ANO1: variants seen among roughly 807,000 people sequenced by gnomAD.
The protein encoded by ANO1 is anoctamin 1.
A neutral mutation model predicts 124.0 loss-of-function variants in ANO1; 59 were observed. The ratio of observed to expected loss-of-function variants is 0.48; its 90% CI spans 0.39 to 0.59. ANO1 has a LOEUF of 0.59. ANO1 is among the 20% of genes least tolerant of loss of function. The pLI, the probability that ANO1 is intolerant of heterozygous loss-of-function variation, is 0.00. For missense variants in ANO1, 1,059 were observed against 1,328.0 expected, an observed-to-expected ratio of 0.80 and a Z score of 3.15; for synonymous variants, 529 against 532.0, an observed-to-expected ratio of 0.99 and a Z score of 0.08.
intron 6 of ANO1, 73 bp downstream of exon 6, chr11:70,108,477 G>T: frequency 6.5e-7 from 1 of 1,527,436 alleles, no homozygotes; most frequent in Non-Finnish European, 9.1e-7. Context: ...TCATCTCTGT[G>T]GGAGGCAGGC....
chr11:70,050,221 C>G (rs782316777), intron 1 of ANO1, among the ~76,000 whole-genome samples: 5 of 152,192 alleles, frequency 3.3e-5, no homozygotes, highest in Admixed American at 6.5e-5. Flanking sequence ...TAGCCAAACC[C>G]TGAAATCCAT....
intron 1 of ANO1, chr11:70,056,474 T>C (rs1555006875): frequency 6.6e-6 from 1 of 152,136 alleles, no homozygotes; most frequent in Non-Finnish European, 1.5e-5. Flanking sequence ...AATTTTGCTA[T>C]GATGGGCTGG....
intron 1 of ANO1, among the ~76,000 whole-genome samples, chr11:70,004,658 T>G (rs782743673): frequency 6.6e-6 from 1 of 152,226 alleles, no homozygotes; most frequent in South Asian, 2.1e-4. Context: ...TCAAAAAATA[T>G]CGTGGAGCAA....
chr11:70,109,332 G>T (rs1201567805), intron 6 of ANO1, among the ~76,000 whole-genome samples: 1 of 152,196 alleles, frequency 6.6e-6, no homozygotes, highest in East Asian at 1.9e-4. Context: ...CTGAGGTCAG[G>T]CCCGGGAGAC....
intron 2 of ANO1, among the ~76,000 whole-genome samples, chr11:70,095,267 G>GGAAGGAAGGAAGGAAGGAAAGAAA (rs1565193024): frequency 1.4e-5 from 1 of 71,288 alleles, no homozygotes; most frequent in African/African-American, 6.2e-5. Flanking sequence ...AAGGAAGGAA[G>GGAAGGAAGGAAGGAAGGAAAGAAA]GAAGGAAGGA....
chr11:70,117,334 G>T (rs2046024416), intron 8 of ANO1, among the ~76,000 whole-genome samples: 1 of 151,978 alleles, frequency 6.6e-6, no homozygotes, highest in South Asian at 2.1e-4. Flanking sequence ...GCCTCCCAAA[G>T]TGCTGGGATT....
intron 1 of ANO1, chr11:70,072,712 G>A (rs932193958): frequency 9.8e-5 from 15 of 152,456 alleles, no homozygotes; most frequent in African/African-American, 3.4e-4. Context: ...CACCAGGGGA[G>A]GGATGCAACT....
intron 8 of ANO1, among the ~76,000 whole-genome samples, chr11:70,120,856 G>A: frequency 6.6e-6 from 1 of 152,134 alleles, no homozygotes; most frequent in East Asian, 1.9e-4. Flanking sequence ...CACAGTGACT[G>A]GAGCCGCCTG....
intron 1 of ANO1, among the ~76,000 whole-genome samples, chr11:70,052,965 C>G (rs1857377237): frequency 3.3e-5 from 5 of 152,104 alleles, no homozygotes; most frequent in Admixed American, 3.3e-4. Flanking sequence ...GGTGATTTTT[C>G]TTTATTGAAG....
intron 1 of ANO1, among the ~76,000 whole-genome samples, chr11:70,063,307 G>A (rs1857637940): frequency 2.6e-5 from 4 of 152,186 alleles, no homozygotes; most frequent in African/African-American, 9.7e-5. Flanking sequence ...AGAAAGGCAA[G>A]ATCAGGGAGA....
intron 11 of ANO1, among the ~76,000 whole-genome samples, chr11:70,135,830 G>T (rs2046935833): frequency 6.6e-6 from 1 of 152,230 alleles, no homozygotes; most frequent in Admixed American, 6.5e-5. Context: ...GCGATAAGAG[G>T]TCTCTGTGAT....
the ANO1 span, among the ~76,000 whole-genome samples, chr11:69,974,017 A>G: frequency 6.6e-6 from 1 of 152,118 alleles, no homozygotes; most frequent in Non-Finnish European, 1.5e-5. Context: ...AGAAAGTCAG[A>G]TATTAAAAAT....
intron 10 of ANO1, among the ~76,000 whole-genome samples, chr11:70,130,779 G>A (rs570568184): frequency 3.9e-5 from 6 of 152,146 alleles, no homozygotes; most frequent in African/African-American, 7.2e-5. Context: ...AGGCCCCCCC[G>A]GCTTCCCGAG....
Position 70,108,410 on chromosome 11 carries a change from C to T in ANO1, c.799+6C>T. ...AAAGGCCAAGTACAGCATGGGTAAG[C>T]ACGTTTTTGGGGCTTGAGATCAGCA... On this transcript the variant is annotated splice_donor_region_variant and intron_variant, in intron 6 of 25. Transcript: ENST00000355303. 1 of 1,610,850 alleles carries T rather than the reference C, an allele frequency of 6.2e-7. No homozygotes were observed. The highest frequency in any genetic ancestry group is 8.5e-7 in the Non-Finnish European group (1 of 1,177,700).
At chr11:70,164,284 G>T (rs1445328813) in intron 19 of ANO1, among the ~76,000 whole-genome samples, 2 of 152,196 alleles carry the variant, frequency 1.3e-5, no homozygotes, top group African/African-American at 2.4e-5. Flanking sequence ...AAAAGACCCT[G>T]TGGAATAAGA....
rs921443936 is a variant in ANO1, at chr11:70,088,805, C to T, written c.441+721C>T. ...GGCCCTTCTCTGGGCCTCAGTTTCT[C>T]GTCTGTAGAGTGAGATGTGGGTCCA... On this transcript the variant is annotated intron_variant, in intron 2 of 25. Coordinates refer to ENST00000355303, the MANE Select transcript of ANO1 (RefSeq NM_018043.7). Among the ~76,000 whole-genome samples the T allele has an allele frequency of 6.6e-5, 10 of 152,170 alleles. No individual in the cohort carries two copies. In the East Asian group the frequency reaches 7.7e-4, roughly 12 times the overall value.
At chr11:70,018,804 A>G (rs1042150778) in intron 1 of ANO1, among the ~76,000 whole-genome samples, 2 of 152,258 alleles carry the variant, frequency 1.3e-5, no homozygotes, top group East Asian at 1.9e-4. Flanking sequence ...TGCCAGCAAG[A>G]GACCACACAT....
intron 2 of ANO1, among the ~76,000 whole-genome samples, chr11:70,092,063 A>AG (rs1328089212): frequency 2.6e-5 from 4 of 152,180 alleles, no homozygotes; most frequent in Non-Finnish European, 5.9e-5. Context: ...CTAAGACTCC[A>AG]GGGGAGGATC....
chr11:70,156,098 A>C, intron 15 of ANO1, 110 bp downstream of exon 15: 2 of 1,105,996 alleles, frequency 1.8e-6, no homozygotes, highest in Non-Finnish European at 2.4e-6. Context: ...TAACATTCAC[A>C]TCCGTGTTTC....
Sources: allele counts gnomAD v4.1 joint callset (sites outside exome capture counted in the v4.1 genomes callset), GRCh38; gene constraint gnomAD v4.1.1; transcripts MANE v1.5; gene names NCBI Gene and HGNC (gene_info 2026-07-23, HGNC 2026-07-21).